ST8SIA6: variants seen among roughly 807,000 people sequenced by gnomAD.
The protein encoded by ST8SIA6 is ST8 alpha-N-acetyl-neuraminide alpha-2,8-sialyltransferase 6, also known as alpha-2,8-sialyltransferase 8F.
ST8SIA6 carries 39 observed loss-of-function variants against 33.6 expected under a neutral mutation model. The observed-to-expected ratio is 1.16, with a 90% confidence interval of 0.90 to 1.52. The LOEUF (loss-of-function observed/expected upper bound fraction) is 1.52. ST8SIA6 is among the 40% of genes most tolerant of loss of function. The probability of loss-of-function intolerance (pLI) is 0.00; values close to 1 mark genes in which losing one functional copy is unlikely to be tolerated. For synonymous variants in ST8SIA6, 172 were observed against 167.2 expected, an observed-to-expected ratio of 1.03 and a Z score of -0.22; for missense variants, 441 against 443.8, an observed-to-expected ratio of 0.99 and a Z score of 0.06.
At chr10:17,356,139 A>G (rs1849181185) in intron 4 of ST8SIA6, among the ~76,000 whole-genome samples, 1 of 152,196 alleles carries the variant, frequency 6.6e-6, no homozygotes, top group Non-Finnish European at 1.5e-5. Flanking sequence ...GTAAGAAAAC[A>G]TGACACTTTT....
chr10:17,358,588 G>A (rs1360636162), intron 4 of ST8SIA6, among the ~76,000 whole-genome samples: 1 of 150,952 alleles, frequency 6.6e-6, no homozygotes, highest in African/African-American at 2.4e-5. Context: ...GGAGGAGGAA[G>A]AGGAAGAAGG....
At chr10:17,342,526 A>G (rs1848711867) in intron 4 of ST8SIA6, among the ~76,000 whole-genome samples, 1 of 152,240 alleles carries the variant, frequency 6.6e-6, no homozygotes, top group South Asian at 2.1e-4. Context: ...ATCAGAGGGA[A>G]GAAAGCCAGC....
intron 2 of ST8SIA6, among the ~76,000 whole-genome samples, chr10:17,422,023 TTATAA>T (rs1282596355): frequency 1.8e-4 from 27 of 151,904 alleles, no homozygotes; most frequent in East Asian, 9.7e-4. Flanking sequence ...ATTTTATTTA[TTATAA>T]TATAGAATTT....
At position 17,334,986 on chromosome 10, in the gene ST8SIA6, G is replaced by A. The variant is rs968339261; in HGVS notation, c.378-3434C>T. ...AAAGAGATTTCTGCATTTGCACAAC[G>A]AAACTATGTTTTAATGTAAATCTAT... is the stretch of plus-strand genomic sequence containing the variant. On this transcript the variant is annotated intron_variant, in intron 4 of 7. Transcript: ENST00000377602. 1.1e-4 allele frequency among the ~76,000 whole-genome samples: 17 copies of A among 152,278 alleles called. No homozygotes were observed. In the East Asian group the frequency reaches 3.1e-3, roughly 28 times the overall value.
At chr10:17,349,363 AC>A (rs1848958207) in intron 4 of ST8SIA6, among the ~76,000 whole-genome samples, 1 of 152,232 alleles carries the variant, frequency 6.6e-6, no homozygotes, top group African/African-American at 2.4e-5. Context: ...TATTGCAGAT[AC>A]CAAGAGTTTA....
intron 4 of ST8SIA6, among the ~76,000 whole-genome samples, chr10:17,358,961 T>A (rs1342059431): frequency 6.6e-6 from 1 of 152,202 alleles, no homozygotes; most frequent in African/African-American, 2.4e-5. Context: ...AATTTATTCC[T>A]GTCTGGATGG....
At chr10:17,433,765 C>T (rs969912943) in intron 2 of ST8SIA6, among the ~76,000 whole-genome samples, 3 of 152,160 alleles carry the variant, frequency 2.0e-5, no homozygotes, top group African/African-American at 7.2e-5. Context: ...ACCTGAAAAG[C>T]CTTCAGTAGA....
intron 2 of ST8SIA6, among the ~76,000 whole-genome samples, chr10:17,431,736 GAAAAAA>G (rs113184112): frequency 8.4e-6 from 1 of 118,868 alleles, no homozygotes; most frequent in Admixed American, 8.9e-5. Flanking sequence ...TCTTCGTTTG[GAAAAAA>G]AAAAAAAAAA....
chr10:17,391,880 T>C (rs1850626723), intron 2 of ST8SIA6, among the ~76,000 whole-genome samples: 1 of 152,208 alleles, frequency 6.6e-6, no homozygotes, highest in Admixed American at 6.5e-5. Flanking sequence ...CCTCATAGTG[T>C]TATTGCCATG....
rs749914471 is a variant in ST8SIA6, at chr10:17,321,110, G to C, written c.965C>G (p.Ser322Cys). Residue 322 changes from serine to cysteine, a missense_variant, in exon 8 of 8, where the codon TCC (serine) becomes TGC (cysteine). Ser to Cys is a moderately radical substitution (Grantham distance 112, BLOSUM62 -1). Transcript: ENST00000377602. ...RTKGVTAYRL[S>C]TGLMITSVAV... is the part of the protein sequence containing the mutation. Reference sequence around the variant, plus strand: ...AACACTTGTGATCATCAAGCCGGTGGACAAGCGGTATGCAGTCACACCTTT... The same window carrying C: ...AACACTTGTGATCATCAAGCCGGTGCACAAGCGGTATGCAGTCACACCTTT... 2 of 1,614,088 alleles carry C rather than the reference G, an allele frequency of 1.2e-6. No homozygotes were observed. The highest frequency in any genetic ancestry group is 1.7e-6 in the Non-Finnish European group (2 of 1,179,990).
intron 2 of ST8SIA6, among the ~76,000 whole-genome samples, chr10:17,435,430 T>C (rs1852219905): frequency 6.6e-6 from 1 of 152,220 alleles, no homozygotes; most frequent in African/African-American, 2.4e-5. Context: ...CTTTGTGGCC[T>C]GGGACAAGTT....
At chr10:17,364,891 G>T (rs780091122) in intron 3 of ST8SIA6, among the ~76,000 whole-genome samples, 15 of 152,212 alleles carry the variant, frequency 9.9e-5, no homozygotes, top group Non-Finnish European at 2.1e-4. Flanking sequence ...CTCTGCTTCA[G>T]ATATCATTTC....
intron 2 of ST8SIA6, among the ~76,000 whole-genome samples, chr10:17,421,272 GATCT>G (rs1851773826): frequency 6.6e-6 from 1 of 152,144 alleles, no homozygotes; most frequent in Admixed American, 6.6e-5. Flanking sequence ...ACTGCATTAG[GATCT>G]ATCTGTCTTC....
chr10:17,365,346 GTTAA>G (rs1400523555), intron 3 of ST8SIA6, among the ~76,000 whole-genome samples: 5 of 152,120 alleles, frequency 3.3e-5, no homozygotes, highest in Non-Finnish European at 5.9e-5. Flanking sequence ...ATAATTTATG[GTTAA>G]TTAATAAAAT....
At chr10:17,368,494 A>G (rs1182193054) in intron 3 of ST8SIA6, among the ~76,000 whole-genome samples, 1 of 151,790 alleles carries the variant, frequency 6.6e-6, no homozygotes, top group Non-Finnish European at 1.5e-5. Flanking sequence ...AATAATACAT[A>G]CATTAATAGC....
chr10:17,366,627 T>A (rs150073210), intron 3 of ST8SIA6, among the ~76,000 whole-genome samples: 222 of 152,160 alleles, frequency 1.5e-3, no homozygotes, highest in Middle Eastern at 3.4e-3. Context: ...AGCTATAGAT[T>A]GGTGGAGCAC....
intron 4 of ST8SIA6, among the ~76,000 whole-genome samples, chr10:17,355,898 C>T (rs1483081951): frequency 1.3e-5 from 2 of 152,174 alleles, no homozygotes. Context: ...TGCCTTTCTT[C>T]CTGGCCTCAT....
intron 4 of ST8SIA6, among the ~76,000 whole-genome samples, chr10:17,333,565 C>G (rs2131587139): frequency 6.7e-6 from 1 of 149,860 alleles, no homozygotes; most frequent in Non-Finnish European, 1.5e-5. Context: ...TGGAACAGAA[C>G]AGAGGCCTCA....
chr10:17,344,079 T>A (rs1433118406), intron 4 of ST8SIA6, among the ~76,000 whole-genome samples: 3 of 152,224 alleles, frequency 2.0e-5, no homozygotes, highest in African/African-American at 7.2e-5. Flanking sequence ...TGACTGAGAC[T>A]TGGACACAGG....
Sources: gnomAD v4.1 joint callset for allele counts (sites outside exome capture counted in the v4.1 genomes callset) on GRCh38, gnomAD v4.1.1 for gene constraint, MANE v1.5 for transcripts, NCBI Gene and HGNC (gene_info 2026-07-23, HGNC 2026-07-21) for gene names.